Variants in TLN2 observed in about 807,000 individuals in gnomAD.
TLN2 encodes the protein talin-2.
A neutral mutation model predicts 294.7 loss-of-function variants in TLN2; 118 were observed. That is an observed-to-expected ratio of 0.40 (90% CI 0.34 to 0.47). The LOEUF is 0.47. TLN2 is among the 20% of genes least tolerant of loss of function. The pLI, the probability that TLN2 is intolerant of heterozygous loss-of-function variation, is 0.84. For synonymous variants in TLN2, 1,431 were observed against 1,304.5 expected, an observed-to-expected ratio of 1.10 and a Z score of -2.09; for missense variants, 3,083 against 3,282.2, an observed-to-expected ratio of 0.94 and a Z score of 1.48.
intron 1 of TLN2, among the ~76,000 whole-genome samples, chr15:62,397,484 G>A (rs1311284988): frequency 6.6e-6 from 1 of 151,888 alleles, no homozygotes; most frequent in Non-Finnish European, 1.5e-5. Flanking sequence ...GAGTGGTCTC[G>A]AACTCCTGAC....
chr15:62,440,555 GA>G (rs1434524451), intron 1 of TLN2, among the ~76,000 whole-genome samples: 7 of 152,278 alleles, frequency 4.6e-5, no homozygotes, highest in African/African-American at 1.7e-4. Flanking sequence ...CGTCAGGGAG[GA>G]CGGTGCTGAC....
At chr15:62,664,875 A>AAAAAAAAAAAAAAAAAAAAAAG (rs1555462003) in intron 9 of TLN2, among the ~76,000 whole-genome samples, 23 of 146,562 alleles carry the variant, frequency 1.6e-4, no homozygotes, top group African/African-American at 5.6e-4. Flanking sequence ...AAAAAAAAAA[A>AAAAAAAAAAAAAAAAAAAAAAG]AAAGTGGCTA....
At chr15:62,790,158 C>T (rs1364118816) in intron 45 of TLN2, among the ~76,000 whole-genome samples, 1 of 152,200 alleles carries the variant, frequency 6.6e-6, no homozygotes, top group Non-Finnish European at 1.5e-5. Flanking sequence ...AATTTGGTGG[C>T]TAAGGCTGTA....
At chr15:62,832,318 T>C (rs2068949818) in intron 54 of TLN2, 1 of 152,188 alleles carries the variant, frequency 6.6e-6, no homozygotes, top group South Asian at 2.1e-4. Flanking sequence ...AAAGTATTGC[T>C]GGGCCTGGCC....
chr15:62,838,544 A>T (rs1353658510), intron 57 of TLN2, among the ~76,000 whole-genome samples: 1 of 152,234 alleles, frequency 6.6e-6, no homozygotes, highest in African/African-American at 2.4e-5. Context: ...TGCCTCTGTT[A>T]ACACACACAT....
At chr15:62,401,573 G>A (rs1182027840) in intron 1 of TLN2, among the ~76,000 whole-genome samples, 2 of 152,130 alleles carry the variant, frequency 1.3e-5, no homozygotes, top group African/African-American at 4.8e-5. Context: ...GATGTAGTTG[G>A]TTTGGGATGG....
At chr15:62,826,070 C>T (rs1030036236) in intron 54 of TLN2, among the ~76,000 whole-genome samples, 1 of 150,438 alleles carries the variant, frequency 6.6e-6, no homozygotes, top group African/African-American at 2.5e-5. Flanking sequence ...AGACTCCCCT[C>T]CAGGGTAGAC....
chr15:62,623,400 C>G (rs2049001536), intron 3 of TLN2, among the ~76,000 whole-genome samples: 1 of 152,178 alleles, frequency 6.6e-6, no homozygotes, highest in Non-Finnish European at 1.5e-5. Context: ...TTTTACATAG[C>G]TGATCCAGTG....
chr15:62,413,037 G>C (rs2033862211), intron 1 of TLN2, among the ~76,000 whole-genome samples: 1 of 152,154 alleles, frequency 6.6e-6, no homozygotes, highest in African/African-American at 2.4e-5. Flanking sequence ...AGGGGAAGAG[G>C]GAGCGATGTG....
intron 1 of TLN2, among the ~76,000 whole-genome samples, chr15:62,423,021 A>G (rs1258856653): frequency 6.6e-6 from 1 of 152,220 alleles, no homozygotes; most frequent in Non-Finnish European, 1.5e-5. Flanking sequence ...TGCAGCCTGC[A>G]GCTGGCTTCT....
intron 2 of TLN2, among the ~76,000 whole-genome samples, chr15:62,609,654 T>G (rs2047748427): frequency 6.6e-6 from 1 of 152,202 alleles, no homozygotes; most frequent in Non-Finnish European, 1.5e-5. Context: ...ATGTTCTTTT[T>G]GCACCGCATC....
chr15:62,720,398 C>G (rs960496045), intron 25 of TLN2, among the ~76,000 whole-genome samples: 2 of 152,042 alleles, frequency 1.3e-5, no homozygotes, highest in Non-Finnish European at 2.9e-5. Context: ...GAAAAATTCC[C>G]CTTTACGTGC....
chr15:62,705,603 C>G (rs1175712634), intron 19 of TLN2, among the ~76,000 whole-genome samples: 1 of 152,204 alleles, frequency 6.6e-6, no homozygotes, highest in Non-Finnish European at 1.5e-5. Flanking sequence ...GGCCCCCCAT[C>G]TGAAAAGATG....
At chr15:62,699,557 T>A (rs2058582396) in intron 16 of TLN2, among the ~76,000 whole-genome samples, 2 of 152,200 alleles carry the variant, frequency 1.3e-5, no homozygotes, top group African/African-American at 2.4e-5. Flanking sequence ...CTGTAGCTGC[T>A]GCTGCATGAA....
Position 62,719,976 on chromosome 15 carries a change from G to A in TLN2, c.2991+96G>A. 3.3e-6 allele frequency: 3 copies of A among 918,426 alleles called. No homozygotes were observed. The South Asian group carries it at 6.8e-5, about 21-fold the overall frequency. 56.9% of individuals were successfully genotyped at this position (918,426 alleles called of 1,614,324 possible). On this transcript the variant is annotated intron_variant, in intron 25 of 58. Coordinates refer to ENST00000636159, the MANE Select transcript of TLN2 (RefSeq NM_015059.3). ...GGAGTTAATGAATTCCACAGCCTCA[G>A]CTAAGTCTTTGCGGTAGGCAGGGCT...
intron 51 of TLN2, among the ~76,000 whole-genome samples, chr15:62,807,080 G>T (rs2066341047): frequency 6.6e-6 from 1 of 152,120 alleles, no homozygotes; most frequent in Non-Finnish European, 1.5e-5. Flanking sequence ...GACAGGGCTG[G>T]AAAGATTCCG....
At chr15:62,665,735 T>G (rs1022591853) in intron 9 of TLN2, among the ~76,000 whole-genome samples, 1 of 152,178 alleles carries the variant, frequency 6.6e-6, no homozygotes, top group African/African-American at 2.4e-5. Context: ...CAAGCAAAGC[T>G]TTTGACCCAG....
At chr15:62,577,393 G>A (rs527732137) in intron 1 of TLN2, among the ~76,000 whole-genome samples, 5 of 152,312 alleles carry the variant, frequency 3.3e-5, no homozygotes, top group South Asian at 4.1e-4. Flanking sequence ...GTGGTGAGCC[G>A]AGATCGCGTC....
intron 42 of TLN2, 70 bp downstream of exon 42, chr15:62,771,204 G>A: frequency 6.9e-7 from 1 of 1,444,010 alleles, no homozygotes; most frequent in Admixed American, 2.2e-5. Context: ...GCTGTAATGT[G>A]TCCTTCCAGG....
Sources: gnomAD v4.1 joint callset for allele counts (sites outside exome capture counted in the v4.1 genomes callset) on GRCh38, gnomAD v4.1.1 for gene constraint, MANE v1.5 for transcripts, NCBI Gene and HGNC (gene_info 2026-07-23, HGNC 2026-07-21) for gene names.